The following HERC5 variants were observed in gnomAD, a reference collection of about 807,000 sequenced individuals.
HERC5 encodes HECT and RLD domain containing E3 ubiquitin protein ligase 5, also known as E3 ISG15--protein ligase HERC5.
HERC5 carries 99 observed loss-of-function variants against 119.6 expected under a neutral mutation model. The ratio of observed to expected loss-of-function variants is 0.83; its 90% CI spans 0.70 to 0.98. The LOEUF (loss-of-function observed/expected upper bound fraction) is 0.98. HERC5 is among the 50% of genes least tolerant of loss of function. HERC5 has a pLI of 0.00. For synonymous variants in HERC5, 478 were observed against 445.9 expected (o/e 1.07, Z -0.91); for missense variants, 1,267 against 1,241.3 (o/e 1.02, Z -0.31).
intron 11 of HERC5, among the ~76,000 whole-genome samples, chr4:88,474,554 GA>G (rs1172861755): frequency 6.6e-6 from 1 of 152,172 alleles, no homozygotes; most frequent in African/African-American, 2.4e-5. Context: ...TCCAAAGACC[GA>G]ATCTCATCGT....
At chr4:88,493,788 A>AT (rs1011240070) in intron 17 of HERC5, among the ~76,000 whole-genome samples, 1 of 151,766 alleles carries the variant, frequency 6.6e-6, no homozygotes, top group African/African-American at 2.4e-5. Flanking sequence ...TAGTTTTTGT[A>AT]TTTTTTGTAG....
chr4:88,503,805 G>A (rs1306489200), intron 20 of HERC5, among the ~76,000 whole-genome samples: 5 of 152,264 alleles, frequency 3.3e-5, no homozygotes, highest in African/African-American at 7.2e-5. Context: ...GGTGGCTAAC[G>A]TCTGTAATCC....
chr4:88,459,451 T>C lies in HERC5; in HGVS notation c.370T>C (p.Tyr124His). 1.3e-6 allele frequency: 2 copies of C among 1,564,456 alleles called. No homozygotes were observed. The highest frequency in any genetic ancestry group is 2.4e-5 in the South Asian group (2 of 81,904). Residue 124 changes from tyrosine to histidine, a missense_variant, in exon 2 of 23, where the codon TAT (tyrosine) becomes CAT (histidine). By Grantham distance (83) the Tyr-to-His change is moderately conservative. Transcript: ENST00000264350. ...SDGKPFEYDN[Y>H]SMKHLRFESI... ...TGGAAAACCATTTGAGTATGACAACTATAGCATGAAACATCTAAGGTAGGG... is the reference window on the plus strand; with the variant it reads ...TGGAAAACCATTTGAGTATGACAACCATAGCATGAAACATCTAAGGTAGGG...
chr4:88,496,300 G>A (rs953453325), intron 18 of HERC5, among the ~76,000 whole-genome samples: 8 of 152,038 alleles, frequency 5.3e-5, no homozygotes, highest in Non-Finnish European at 1.2e-4. Flanking sequence ...TTCACAACCT[G>A]GTTCTAAAAT....
At chr4:88,457,638 C>T in intron 1 of HERC5, 104 bp downstream of exon 1, 1 of 1,128,944 alleles carries the variant, frequency 8.9e-7, no homozygotes, top group Middle Eastern at 3.3e-4. Flanking sequence ...GAGGAGAGCC[C>T]AGAAGGCCGC....
intron 15 of HERC5, among the ~76,000 whole-genome samples, chr4:88,488,724 T>C (rs1187982202): frequency 2.0e-5 from 3 of 152,088 alleles, no homozygotes; most frequent in African/African-American, 7.2e-5. Context: ...ACATCTCTCA[T>C]AACCTGGATT....
At chr4:88,485,793 C>T (rs1195917214) in intron 13 of HERC5, among the ~76,000 whole-genome samples, 1 of 150,616 alleles carries the variant, frequency 6.6e-6, no homozygotes, top group East Asian at 1.9e-4. Context: ...AAGACTAAGA[C>T]ATGAAGAACT....
At chr4:88,489,058 T>C in intron 15 of HERC5, 108 bp from the exon 16 acceptor site, 1 of 789,840 alleles carries the variant, frequency 1.3e-6, no homozygotes, top group Non-Finnish European at 2.0e-6. Flanking sequence ...TTTTCATAAA[T>C]GTGACCTGCA....
chr4:88,500,778 T>G, intron 19 of HERC5, 137 bp from the exon 20 acceptor site: 1 of 686,452 alleles, frequency 1.5e-6, no homozygotes, highest in East Asian at 2.7e-5. Context: ...TGTTTGTACA[T>G]TCCTTGCTAG....
rs759437964 is a variant in HERC5 at position 88,494,128 on chromosome 4, A to G, written c.2278-37A>G. On this transcript the variant is annotated intron_variant, in intron 17 of 22. Coordinates refer to ENST00000264350, the MANE Select transcript of HERC5 (RefSeq NM_016323.4). ...TAAATATTTCATTGTACTGGTAAAA[A>G]CTCATAATACTTTAAGATTTTTTTT... 3.5e-5 allele frequency: 48 copies of G among 1,374,088 alleles called. No homozygotes were observed. The Middle Eastern group carries it at 7.4e-4, about 21-fold the overall frequency. The allele number at this position is 1,374,088 out of a possible 1,614,324, so 85.1% of individuals were successfully genotyped here.
rs768358426 is a variant in HERC5 at position 88,489,190 on chromosome 4, A to G, written c.1987A>G (p.Arg663Gly). 1.9e-6 allele frequency: 3 copies of G among 1,612,632 alleles called. No individual in the cohort carries two copies. The highest frequency in any genetic ancestry group is 2.2e-5 in the East Asian group (1 of 44,862). ...IESKKHKAYLRSAAIEEERES... is the reference protein window; with the variant it reads ...IESKKHKAYLGSAAIEEERES... ...GAGTAAAAAACATAAAGCTTATCTT[A>G]GGTCGGCAGCAATTGAGGAAGAAAG... The change falls in exon 16 of 23, where the codon AGG becomes GGG. Residue 663 changes from arginine to glycine, a missense_variant. By Grantham distance (125) the Arg-to-Gly change is moderately radical (BLOSUM62 -2). Transcript: ENST00000264350.
At chr4:88,476,928 AAG>A (rs1357407723) in intron 12 of HERC5, among the ~76,000 whole-genome samples, 1 of 152,006 alleles carries the variant, frequency 6.6e-6, no homozygotes, top group Non-Finnish European at 1.5e-5. Context: ...CCAAAAAAAA[AAG>A]AACATGGAAT....
intron 15 of HERC5, among the ~76,000 whole-genome samples, chr4:88,487,754 C>G (rs990106720): frequency 3.9e-5 from 6 of 152,026 alleles, no homozygotes; most frequent in African/African-American, 1.2e-4. Context: ...TTTTACCAAC[C>G]ATTAACAAAA....
At chr4:88,475,757 T>A (rs987364954) in intron 11 of HERC5, 84 bp from the exon 12 acceptor site, 3 of 1,134,094 alleles carry the variant, frequency 2.6e-6, no homozygotes, top group Non-Finnish European at 3.9e-6. Context: ...CATTCCAGCC[T>A]CTACACCTTG....
intron 20 of HERC5, 82 bp downstream of exon 20, chr4:88,501,067 T>C: frequency 1.1e-6 from 1 of 877,886 alleles, no homozygotes. Flanking sequence ...TTTAGCTCTT[T>C]AATTTTTCAT....
intron 2 of HERC5, among the ~76,000 whole-genome samples, 177 bp from the exon 3 acceptor site, chr4:88,459,916 ATT>A (rs1166524207): frequency 1.3e-5 from 2 of 152,116 alleles, no homozygotes; most frequent in Admixed American, 1.3e-4. Context: ...TGTAATGCAT[ATT>A]TTTTCTTAAT....
Position 88,463,532 on chromosome 4 carries a change from G to T in HERC5, c.689G>T (p.Ser230Ile), listed in dbSNP as rs1476295529. The T allele has an allele frequency of 1.2e-6, 2 of 1,609,922 alleles. No individual in the cohort carries two copies. Among genetic ancestry groups the T allele is most frequent in the African/African-American group, 1.3e-5 (1 of 74,756 alleles). Residue 230 changes from serine (S) to isoleucine (I), a missense_variant and splice_region_variant, in exon 5 of 23, where the codon AGT (serine) becomes ATT (isoleucine). Physicochemically the swap from Ser to Ile is moderately radical, Grantham distance 142 (BLOSUM62 -2). Around this residue, in one of 3 missense-constraint regions of HERC5, gnomAD observed 777 missense variants for 758.0 expected, o/e 1.03. Coordinates refer to ENST00000264350, the MANE Select transcript of HERC5 (RefSeq NM_016323.4). ...CGQLGLGHTE[S>I]KDDPSLIEGL... ...TTCAGCTATTTTTTTCCTTACATAG[G>T]TAAAGATGATCCATCCCTTATTGAA...
intron 19 of HERC5, among the ~76,000 whole-genome samples, chr4:88,500,704 A>C (rs950707648): frequency 1.3e-5 from 2 of 152,266 alleles, no homozygotes; most frequent in Admixed American, 1.3e-4. Flanking sequence ...TTGATCAGTT[A>C]AAATAAGAGA....
intron 8 of HERC5, 37 bp from the exon 9 acceptor site, chr4:88,469,120 C>A: frequency 6.9e-7 from 1 of 1,456,746 alleles, no homozygotes; most frequent in South Asian, 1.2e-5. Flanking sequence ...TCTGATGTGT[C>A]TAAATTATTG....
Sources: gnomAD v4.1 joint callset for allele counts (sites outside exome capture counted in the v4.1 genomes callset) on GRCh38, gnomAD v4.1.1 for gene constraint, gnomAD v4.1.1 regional missense constraint, MANE v1.5 for transcripts, NCBI Gene and HGNC (gene_info 2026-07-23, HGNC 2026-07-21) for gene names.